Variants in PTPN1 observed in about 807,000 individuals in gnomAD.
PTPN1 encodes tyrosine-protein phosphatase non-receptor type 1.
In PTPN1, 12 loss-of-function variants were observed where a neutral mutation model predicts 59.9. The observed-to-expected ratio is 0.20, with a 90% CI of 0.13 to 0.32. The LOEUF is 0.32. PTPN1 is among the 10% of genes least tolerant of loss of function. PTPN1 has a pLI of 1.00. For missense variants in PTPN1, 356 were observed against 549.2 expected, an observed-to-expected ratio of 0.65 and a Z score of 3.52; for synonymous variants, 178 against 203.6, an observed-to-expected ratio of 0.87 and a Z score of 1.07.
At chr20:50,523,922 C>G (rs753818992) in intron 1 of PTPN1, among the ~76,000 whole-genome samples, 33 of 152,278 alleles carry the variant, frequency 2.2e-4, no homozygotes, top group Middle Eastern at 3.4e-3. Flanking sequence ...GACTTCTTGT[C>G]CGTCTCTGTT....
intron 1 of PTPN1, among the ~76,000 whole-genome samples, chr20:50,537,875 G>C (rs757812587): frequency 1.3e-5 from 2 of 152,184 alleles, no homozygotes; most frequent in African/African-American, 2.4e-5. Flanking sequence ...TCTGAAAAAG[G>C]CCTGACAGTA....
intron 1 of PTPN1, among the ~76,000 whole-genome samples, chr20:50,527,931 G>T (rs1370071682): frequency 6.6e-6 from 1 of 151,980 alleles, no homozygotes; most frequent in African/African-American, 2.4e-5. Flanking sequence ...TAGCCCTTTT[G>T]TTCTTTTTGA....
At chr20:50,541,607 G>T (rs891137473) in intron 1 of PTPN1, among the ~76,000 whole-genome samples, 2 of 152,096 alleles carry the variant, frequency 1.3e-5, no homozygotes, top group Admixed American at 1.3e-4. Context: ...TCGTAGTATG[G>T]CGTGAGCTTC....
At chr20:50,571,114 G>A (rs939414138) in intron 4 of PTPN1, 1 of 152,266 alleles carries the variant, frequency 6.6e-6, no homozygotes, top group Non-Finnish European at 1.5e-5. Context: ...TATTTGAGCA[G>A]TGTCCAGTGC....
At chr20:50,541,635 T>C (rs754546800) in intron 1 of PTPN1, among the ~76,000 whole-genome samples, 4 of 152,162 alleles carry the variant, frequency 2.6e-5, no homozygotes, top group Non-Finnish European at 5.9e-5. Context: ...CTTTCTGACC[T>C]TTTGTGTGAT....
intron 4 of PTPN1, among the ~76,000 whole-genome samples, chr20:50,569,619 T>TCTGTGTAGACTGTC (rs1321560061): frequency 1.3e-5 from 2 of 151,524 alleles, no homozygotes; most frequent in Admixed American, 6.6e-5. Context: ...GTGTAGATTG[T>TCTGTGTAGACTGTC]CTGTGTAGAC....
chr20:50,522,211 G>C (rs2082554613), intron 1 of PTPN1, among the ~76,000 whole-genome samples: 1 of 152,072 alleles, frequency 6.6e-6, no homozygotes, highest in Non-Finnish European at 1.5e-5. Context: ...GAAGTTAGAA[G>C]CCACCACCAT....
At chr20:50,512,087 C>T (rs1046928260) in intron 1 of PTPN1, among the ~76,000 whole-genome samples, 1 of 152,094 alleles carries the variant, frequency 6.6e-6, no homozygotes, top group Admixed American at 6.5e-5. Flanking sequence ...TATTTCTAAC[C>T]ACTGTAATCT....
At chr20:50,557,906 C>G (rs2082732882) in intron 1 of PTPN1, 1 of 152,272 alleles carries the variant, frequency 6.6e-6, no homozygotes, top group Non-Finnish European at 1.5e-5. Flanking sequence ...GCCCAGGACT[C>G]CTGGGCTCAA....
chr20:50,542,083 A>G (rs1338999983), intron 1 of PTPN1, among the ~76,000 whole-genome samples: 2 of 152,202 alleles, frequency 1.3e-5, no homozygotes, highest in African/African-American at 4.8e-5. Context: ...ACCCATCAAC[A>G]CTTGGCATAA....
chr20:50,554,380 A>ATTCTCTCTCTCTCTCTC (rs11481722), intron 1 of PTPN1, among the ~76,000 whole-genome samples: 29,808 of 139,936 alleles, frequency 0.21, 4,124 homozygotes, highest in East Asian at 0.31. Flanking sequence ...GCAAGACCAC[A>ATTCTCTCTCTCTCTCTC]TCTCTCTCTC....
At chr20:50,581,846 GA>G (rs1163579707) in intron 9 of PTPN1, among the ~76,000 whole-genome samples, 2 of 149,130 alleles carry the variant, frequency 1.3e-5, no homozygotes, top group Non-Finnish European at 3.0e-5. Context: ...GTTATTTCTG[GA>G]ACAAAAAAAA....
rs577761914 is a variant in PTPN1, at chr20:50,540,619, G to T, written c.64-20744G>T. Among the ~76,000 whole-genome samples, 3 of 152,270 alleles carry T rather than the reference G, an allele frequency of 2.0e-5. No homozygotes were observed. In the South Asian group the frequency reaches 6.2e-4, roughly 32 times the overall value. ...AAAACTACAAACCATGTCACTCAGG[G>T]ATTGGAGGAGCAAGTACCACCTATA... On this transcript the variant is annotated intron_variant, in intron 1 of 9. Transcript: ENST00000371621.
chr20:50,544,107 G>A (rs993546647), intron 1 of PTPN1, among the ~76,000 whole-genome samples: 1 of 152,026 alleles, frequency 6.6e-6, no homozygotes, highest in African/African-American at 2.4e-5. Context: ...GCCTCCCAAA[G>A]TGCTGGGATT....
chr20:50,566,990 C>T (rs1390774643), intron 3 of PTPN1, among the ~76,000 whole-genome samples: 2 of 152,120 alleles, frequency 1.3e-5, no homozygotes, highest in South Asian at 2.1e-4. Context: ...TGCTTTTCTC[C>T]GAGTCCCTTC....
At chr20:50,537,326 A>AAAT (rs952088894) in intron 1 of PTPN1, among the ~76,000 whole-genome samples, 15 of 151,972 alleles carry the variant, frequency 9.9e-5, no homozygotes, top group South Asian at 2.1e-4. Context: ...TGCATCTCAA[A>AAAT]AATAATAATA....
At position 50,537,231 on chromosome 20, in the gene PTPN1, G is replaced by C. The variant is rs1430550989; in HGVS notation, c.64-24132G>C. On this transcript the variant is annotated intron_variant, in intron 1 of 9. Transcript: ENST00000371621. ...CCAGCTAGTTGGGAGGCTGAGGCAG[G>C]AGAATCGTTTGAACTCCGGAGGCAG... is the stretch of plus-strand genomic sequence containing the variant. Among the ~76,000 whole-genome samples, 4 of 152,332 alleles carry C rather than the reference G, an allele frequency of 2.6e-5. No homozygotes were observed. In the East Asian group the frequency reaches 7.7e-4, roughly 29 times the overall value.
At chr20:50,532,010 G>C (rs973635621) in intron 1 of PTPN1, among the ~76,000 whole-genome samples, 1 of 152,182 alleles carries the variant, frequency 6.6e-6, no homozygotes, top group African/African-American at 2.4e-5. Context: ...ATTGGCTGCA[G>C]ACTAGTAATA....
Position 50,579,747 on chromosome 20 carries a change from C to G in PTPN1, c.909C>G (p.Pro303=). Residue 303 remains proline (P), a synonymous_variant, in exon 8 of 10, where the codon CCC becomes CCG. Coordinates refer to ENST00000371621, the MANE Select transcript of PTPN1 (RefSeq NM_002827.4). ...ELSHEDLEPP[P]EHIPPPPRPP... ...CCCACGAGGACCTGGAGCCCCCACCCGAGCATATCCCCCCACCTCCCCGGC... is the reference window on the plus strand; with the variant it reads ...CCCACGAGGACCTGGAGCCCCCACCGGAGCATATCCCCCCACCTCCCCGGC... 2 of 1,613,090 alleles carry G rather than the reference C, an allele frequency of 1.2e-6. No homozygotes were observed. Among genetic ancestry groups the G allele is most frequent in the Non-Finnish European group, 8.5e-7 (1 of 1,179,898 alleles).
Sources: gnomAD v4.1 joint callset for allele counts (sites outside exome capture counted in the v4.1 genomes callset) on GRCh38, gnomAD v4.1.1 for gene constraint, MANE v1.5 for transcripts, NCBI Gene and HGNC (gene_info 2026-07-23, HGNC 2026-07-21) for gene names.